C10orf90: variants seen among roughly 807,000 people sequenced by gnomAD.
C10orf90 encodes the protein (E2-independent) E3 ubiquitin-conjugating enzyme FATS.
Under a neutral mutation model 62.5 loss-of-function variants are expected in C10orf90, and 56 were observed. The ratio of observed to expected loss-of-function variants is 0.90; its 90% CI spans 0.72 to 1.12. The LOEUF is 1.12. C10orf90 is among the 50% of genes most tolerant of loss of function. C10orf90 has a pLI of 0.00. For synonymous variants in C10orf90, 386 were observed against 340.4 expected (o/e 1.13, Z -1.47); for missense variants, 970 against 880.4 (o/e 1.10, Z -1.29).
chr10:126,565,284 ATATTATATATT>A, intron 2 of C10orf90, among the ~76,000 whole-genome samples: 1 of 64,620 alleles, frequency 1.5e-5, no homozygotes, highest in Non-Finnish European at 2.7e-5. Flanking sequence ...ATTATATTAT[ATATTATATATT>A]TATATTATAT....
intron 2 of C10orf90, chr10:126,521,452 T>C: frequency 6.6e-7 from 1 of 1,514,898 alleles, no homozygotes; most frequent in East Asian, 2.4e-5. Context: ...GAGTCAGGCT[T>C]CCACCTTCCA....
chr10:126,504,401 C>T lies in C10orf90; in HGVS notation c.1090G>A (p.Val364Ile), dbSNP rs772826714. The T allele has an allele frequency of 3.5e-5, 56 of 1,614,080 alleles. No homozygotes were observed. The highest frequency in any genetic ancestry group is 4.7e-5 in the Non-Finnish European group (56 of 1,180,046). The part of the protein sequence containing the change: ...SQQCPDSIYY[V>I]DKSLSVPIEP... ...ATGGGGACGGAGAGAGACTTGTCTA[C>T]GTAATAGATTGAATCTGGACACTGC... is the stretch of plus-strand genomic sequence containing the variant. The change falls in exon 4 of 10, where the codon GTA (valine) becomes ATA (isoleucine). Residue 364 changes from valine to isoleucine, a missense_variant. By Grantham distance (29) the Val-to-Ile change is conservative. Coordinates refer to ENST00000488181, the MANE Select transcript of C10orf90 (RefSeq NM_001350921.2). This position sits in a 1 kb window ranked among gnomAD's most constrained non-coding sequence, Gnocchi z 4.1.
At chr10:126,624,471 G>A (rs1268443577) in intron 2 of C10orf90, among the ~76,000 whole-genome samples, 1 of 152,176 alleles carries the variant, frequency 6.6e-6, no homozygotes, top group Non-Finnish European at 1.5e-5. Context: ...AGCAGAAACT[G>A]CCTCTGGCTA....
At chr10:126,657,330 C>T (rs897117377) in intron 1 of C10orf90, among the ~76,000 whole-genome samples, 3 of 152,200 alleles carry the variant, frequency 2.0e-5, no homozygotes, top group Non-Finnish European at 2.9e-5. Context: ...CTCCTCCCAG[C>T]CCCTGGGGGC....
chr10:126,662,346 C>G (rs1367851197), intron 1 of C10orf90, among the ~76,000 whole-genome samples: 8 of 152,122 alleles, frequency 5.3e-5, no homozygotes, highest in African/African-American at 1.9e-4. Context: ...CTGAGAAAGG[C>G]TCATCTCACA....
intron 4 of C10orf90, among the ~76,000 whole-genome samples, chr10:126,486,920 A>G (rs921976995): frequency 6.6e-6 from 1 of 152,044 alleles, no homozygotes; most frequent in African/African-American, 2.4e-5. Flanking sequence ...AGGGGGGTGG[A>G]TCACCTGAGG....
chr10:126,581,389 G>T (rs182565853), intron 2 of C10orf90, among the ~76,000 whole-genome samples: 72 of 152,276 alleles, frequency 4.7e-4, no homozygotes, highest in Non-Finnish European at 6.3e-4. Flanking sequence ...AGCCAGGAGA[G>T]AGCGGTTTGA....
At chr10:126,508,278 T>C (rs569202674) in intron 3 of C10orf90, among the ~76,000 whole-genome samples, 110 of 151,736 alleles carry the variant, frequency 7.2e-4, no homozygotes, top group Non-Finnish European at 1.2e-3. Context: ...GCTCAGGATC[T>C]ATGGGGATAA....
rs1159457336 is a variant in C10orf90, at chr10:126,425,995, T to C, written c.2348A>G (p.Lys783Arg). 1 of 1,614,202 alleles carries C rather than the reference T, an allele frequency of 6.2e-7. No homozygotes were observed. Residue 783 changes from lysine to arginine, a missense_variant, in exon 9 of 10, where the codon AAA becomes AGA. Lys to Arg is a conservative substitution (Grantham distance 26). Transcript: ENST00000488181. ...TGCTGGTGACGAGGCCATTACCTTT[T>C]TGAAGACTTCGGCACGGAGTCTGTT... is the stretch of plus-strand genomic sequence containing the variant. Reference protein sequence around the residue: ...QSNRLRAEVFKKQLLDQLLQR... With the variant: ...QSNRLRAEVFRKQLLDQLLQR...
intron 2 of C10orf90, among the ~76,000 whole-genome samples, chr10:126,617,850 T>C (rs772769657): frequency 2.6e-5 from 4 of 152,186 alleles, no homozygotes; most frequent in Non-Finnish European, 5.9e-5. Flanking sequence ...ATTATGAGAA[T>C]AGATTATACA....
At chr10:126,583,486 C>T (rs1246982861) in intron 2 of C10orf90, among the ~76,000 whole-genome samples, 6 of 152,214 alleles carry the variant, frequency 3.9e-5, no homozygotes, top group African/African-American at 9.7e-5. Context: ...AATTTATATT[C>T]TTAAATTTTC....
intron 2 of C10orf90, among the ~76,000 whole-genome samples, chr10:126,519,077 C>G (rs1863602666): frequency 6.6e-6 from 1 of 152,138 alleles, no homozygotes; most frequent in South Asian, 2.1e-4. Context: ...ACGGACAGAG[C>G]CCTTCCAGCA....
At chr10:126,582,623 G>T (rs1032488781) in intron 2 of C10orf90, among the ~76,000 whole-genome samples, 2 of 152,142 alleles carry the variant, frequency 1.3e-5, no homozygotes, top group Admixed American at 6.5e-5. Context: ...AGAGATGGGG[G>T]CAAATATATA....
chr10:126,572,770 G>A (rs1844532987), intron 2 of C10orf90, among the ~76,000 whole-genome samples: 1 of 152,034 alleles, frequency 6.6e-6, no homozygotes, highest in Non-Finnish European at 1.5e-5. Context: ...ATTTTACCCA[G>A]CTCCTATTCA....
intron 4 of C10orf90, among the ~76,000 whole-genome samples, chr10:126,488,581 G>A (rs1251268119): frequency 1.3e-5 from 2 of 148,378 alleles, no homozygotes; most frequent in African/African-American, 4.9e-5. Flanking sequence ...GGATATTTGG[G>A]GAAAAAATCA....
intron 2 of C10orf90, among the ~76,000 whole-genome samples, chr10:126,521,745 G>A (rs1863754162): frequency 1.3e-5 from 2 of 152,166 alleles, no homozygotes; most frequent in East Asian, 1.9e-4. Context: ...AGAAAATTGA[G>A]CAATATAACA....
intron 2 of C10orf90, among the ~76,000 whole-genome samples, chr10:126,542,408 CAGG>C (rs1300758247): frequency 1.3e-5 from 2 of 152,036 alleles, no homozygotes; most frequent in African/African-American, 4.8e-5. Flanking sequence ...GATGCTGAGG[CAGG>C]AGAATTGCTT....
At chr10:126,658,964 C>A (rs570878889) in intron 1 of C10orf90, among the ~76,000 whole-genome samples, 1 of 152,292 alleles carries the variant, frequency 6.6e-6, no homozygotes, top group African/African-American at 2.4e-5. Context: ...AGAGGCTGAA[C>A]CTGAATAAAT....
At chr10:126,607,170 A>G (rs1303564535) in intron 2 of C10orf90, among the ~76,000 whole-genome samples, 1 of 152,150 alleles carries the variant, frequency 6.6e-6, no homozygotes, top group East Asian at 1.9e-4. Flanking sequence ...ACTCTTTAAC[A>G]CAGTATTACT....
Sources: gnomAD v4.1 joint callset for allele counts (sites outside exome capture counted in the v4.1 genomes callset) on GRCh38, gnomAD v4.1.1 for gene constraint, Gnocchi (gnomAD v3.1) non-coding constraint, MANE v1.5 for transcripts, NCBI Gene and HGNC (gene_info 2026-07-23, HGNC 2026-07-21) for gene names.